MYO16: variants seen among roughly 807,000 people sequenced by gnomAD.
MYO16 encodes myosin XVI, also known as unconventional myosin-XVI.
A neutral mutation model predicts 205.3 loss-of-function variants in MYO16; 94 were observed. That is an observed-to-expected ratio of 0.46 (90% CI 0.39 to 0.54). The LOEUF (loss-of-function observed/expected upper bound fraction) is 0.54, where lower values mean the gene tolerates loss of function less well. Ranked by LOEUF, MYO16 falls within the 20% of genes least tolerant of loss-of-function variation. The pLI is 0.00. For synonymous variants in MYO16, 988 were observed against 954.0 expected (o/e 1.04, Z -0.66); for missense variants, 2,315 against 2,387.5 (o/e 0.97, Z 0.63).
At position 108,727,551 on chromosome 13, in the gene MYO16, G is replaced by A. The variant is rs370172223; in HGVS notation, c.475G>A (p.Asp159Asn). The A allele has an allele frequency of 2.4e-5, 39 of 1,613,646 alleles. No homozygotes were observed. Among genetic ancestry groups the A allele is most frequent in the Admixed American group, 1.2e-4 (7 of 59,912 alleles). The change falls in exon 4 of 35, where the codon GAT becomes AAT. Residue 159 changes from aspartate to asparagine, a missense_variant. Asp to Asn is a conservative substitution (Grantham distance 23). This residue lies in a region of MYO16 where 1,213 missense variants were observed against 1,274.4 expected (regional missense o/e 0.95). Coordinates refer to ENST00000457511, the MANE Select transcript of MYO16 (RefSeq NM_001198950.3). ...WTPMHIACAC[D>N]NPDIVLLLVL... The stretch of plus-strand genomic sequence containing the variant: ...GCCCATGCACATTGCCTGTGCCTGC[G>A]ATAACCCTGATATTGTCCTGCTTCT...
intron 16 of MYO16, among the ~76,000 whole-genome samples, chr13:108,946,712 A>AGAG (rs781583930): frequency 3.9e-5 from 6 of 152,168 alleles, no homozygotes; most frequent in Non-Finnish European, 5.9e-5. Context: ...CCAATAGCCA[A>AGAG]GAGGGTATGG....
At chr13:108,668,430 C>T (rs1424921782) in intron 2 of MYO16, among the ~76,000 whole-genome samples, 1 of 152,076 alleles carries the variant, frequency 6.6e-6, no homozygotes, top group Non-Finnish European at 1.5e-5. Flanking sequence ...TCTATTGCTA[C>T]CAAAACAAAT....
Position 109,140,213 on chromosome 13 carries a change from C to G in MYO16, c.4052-51C>G, listed in dbSNP as rs765288478. On this transcript the variant is annotated intron_variant, in intron 31 of 34. Coordinates refer to ENST00000457511, the MANE Select transcript of MYO16 (RefSeq NM_001198950.3). The surrounding 1 kb of genome is among the most constrained non-coding windows in gnomAD (Gnocchi z 8.0). ...CGAGTCGAGCCCCGGGCTTGGTGGG[C>G]ACCCGTGGGCCTGGCCTGGCACCCA... is the stretch of plus-strand genomic sequence containing the variant. 2 of 1,581,856 alleles carry G rather than the reference C, an allele frequency of 1.3e-6. No homozygotes were observed. Among genetic ancestry groups the G allele is most frequent in the East Asian group, 4.6e-5 (2 of 43,628 alleles).
At chr13:108,774,061 A>G (rs1886052108) in intron 4 of MYO16, among the ~76,000 whole-genome samples, 1 of 152,204 alleles carries the variant, frequency 6.6e-6, no homozygotes, top group South Asian at 2.1e-4. Flanking sequence ...ACTGCACTCC[A>G]GTCTGAGTGA....
At chr13:109,051,185 C>T (rs2139602890) in intron 24 of MYO16, among the ~76,000 whole-genome samples, 1 of 152,222 alleles carries the variant, frequency 6.6e-6, no homozygotes, top group South Asian at 2.1e-4. Context: ...ATCACAGGGC[C>T]CCTTTTGCAT....
chr13:109,071,969 C>T (rs2139650363), intron 27 of MYO16, among the ~76,000 whole-genome samples: 1 of 152,292 alleles, frequency 6.6e-6, no homozygotes, highest in South Asian at 2.1e-4. Flanking sequence ...CACTGAATTT[C>T]ATATTTTATA....
intron 21 of MYO16, among the ~76,000 whole-genome samples, chr13:109,007,200 A>G (rs1885416631): frequency 6.6e-6 from 1 of 152,166 alleles, no homozygotes; most frequent in Non-Finnish European, 1.5e-5. Context: ...CAACCTGTCT[A>G]ACATGGTGAA....
At chr13:108,756,051 C>G (rs902040837) in intron 4 of MYO16, among the ~76,000 whole-genome samples, 1 of 152,112 alleles carries the variant, frequency 6.6e-6, no homozygotes. Flanking sequence ...TTTATTGTCA[C>G]TGAGTTCTCT....
the MYO16 span, among the ~76,000 whole-genome samples, chr13:108,511,253 T>C: frequency 7.2e-6 from 1 of 138,642 alleles, no homozygotes; most frequent in Non-Finnish European, 1.6e-5. Flanking sequence ...GTGTGTTTTT[T>C]GGCTGCATAA....
chr13:109,042,454 G>C (rs1022055777), intron 23 of MYO16, among the ~76,000 whole-genome samples: 1 of 152,138 alleles, frequency 6.6e-6, no homozygotes, highest in African/African-American at 2.4e-5. Context: ...AAATTTGCAA[G>C]ATGTCCCGGA....
At chr13:109,015,089 G>A (rs1885757394) in intron 22 of MYO16, among the ~76,000 whole-genome samples, 1 of 152,156 alleles carries the variant, frequency 6.6e-6, no homozygotes. Context: ...TATGATACTG[G>A]CTTTGGGTTT....
At chr13:109,049,974 G>GTGTA (rs1887192422) in intron 24 of MYO16, among the ~76,000 whole-genome samples, 1 of 136,774 alleles carries the variant, frequency 7.3e-6, no homozygotes, top group African/African-American at 2.8e-5. Context: ...GTGTGTGTGT[G>GTGTA]TGTTTACTTT....
intron 28 of MYO16, among the ~76,000 whole-genome samples, chr13:109,120,101 C>G (rs1875918189): frequency 1.3e-5 from 2 of 152,206 alleles, no homozygotes; most frequent in Admixed American, 6.5e-5. Flanking sequence ...GCCAGTGTTT[C>G]TCTTTTGCAC....
At chr13:108,861,004 TTTTA>T (rs552163033) in intron 11 of MYO16, among the ~76,000 whole-genome samples, 101 of 152,348 alleles carry the variant, frequency 6.6e-4, no homozygotes, top group African/African-American at 2.3e-3. Flanking sequence ...ATTATTTCAC[TTTTA>T]TTTATTTTCT....
chr13:109,157,023 C>T (rs1397945700), intron 32 of MYO16, among the ~76,000 whole-genome samples: 1 of 152,098 alleles, frequency 6.6e-6, no homozygotes, highest in Non-Finnish European at 1.5e-5. Flanking sequence ...ACCCCAGATG[C>T]ACCCTGCTCT....
chr13:108,996,146 G>A (rs964116107), intron 21 of MYO16, among the ~76,000 whole-genome samples: 5 of 152,034 alleles, frequency 3.3e-5, no homozygotes, highest in East Asian at 3.8e-4. Flanking sequence ...TGTTTATTGC[G>A]GCACTATTCA....
At chr13:108,658,727 C>T (rs1881354746) in intron 1 of MYO16, among the ~76,000 whole-genome samples, 1 of 152,014 alleles carries the variant, frequency 6.6e-6, no homozygotes, top group Admixed American at 6.6e-5. Context: ...GTTGATATTC[C>T]ATTTTCAATT....
At chr13:108,977,645 G>A (rs1324284373) in intron 20 of MYO16, among the ~76,000 whole-genome samples, 3 of 152,032 alleles carry the variant, frequency 2.0e-5, no homozygotes, top group Non-Finnish European at 4.4e-5. Flanking sequence ...TGTATGTGAG[G>A]AGTTGATAGT....
At chr13:108,531,312 TGGA>T in the MYO16 span, among the ~76,000 whole-genome samples, 1 of 152,286 alleles carries the variant, frequency 6.6e-6, no homozygotes, top group African/African-American at 2.4e-5. Context: ...AAGACCACTC[TGGA>T]GGAGGAGGAA....
Sources: gnomAD v4.1 joint callset for allele counts (sites outside exome capture counted in the v4.1 genomes callset) on GRCh38, gnomAD v4.1.1 for gene constraint, gnomAD v4.1.1 regional missense constraint, Gnocchi (gnomAD v3.1) non-coding constraint, MANE v1.5 for transcripts, NCBI Gene and HGNC (gene_info 2026-07-23, HGNC 2026-07-21) for gene names.